The following CALD1 variants were observed in gnomAD, a reference collection of about 807,000 sequenced individuals.
CALD1 encodes the protein caldesmon.
CALD1 carries 33 observed loss-of-function variants against 99.9 expected under a neutral mutation model. The ratio of observed to expected loss-of-function variants is 0.33; its 90% CI spans 0.25 to 0.44. The LOEUF is 0.44. CALD1 is among the 20% of genes least tolerant of loss of function. The pLI, the probability that CALD1 is intolerant of heterozygous loss-of-function variation, is 1.00. For synonymous variants in CALD1, 310 were observed against 325.0 expected (o/e 0.95, Z 0.50); for missense variants, 861 against 962.1 (o/e 0.89, Z 1.39).
chr7:134,797,907 A>G (rs746865379), intron 1 of CALD1, among the ~76,000 whole-genome samples: 1 of 152,164 alleles, frequency 6.6e-6, no homozygotes. Context: ...GTTTATTTGT[A>G]TTGTTCTTTA....
rs1563135148 is a variant in CALD1 at position 134,959,962 on chromosome 7, C to G, written c.2062-12C>G. The stretch of plus-strand genomic sequence containing the variant: ...CCCAGCACCAATCCTAAAAATAACT[C>G]ACAAATTTCAGGGAACAAAAAGCGC... On this transcript the variant is annotated splice_polypyrimidine_tract_variant and intron_variant, in intron 11 of 14. Coordinates refer to ENST00000361675, the MANE Select transcript of CALD1 (RefSeq NM_033138.4). 6.2e-7 allele frequency: 1 copy of G among 1,611,950 alleles called. No homozygotes were observed. The highest frequency in any genetic ancestry group is 1.1e-5 in the South Asian group (1 of 90,596).
At chr7:134,806,314 C>T (rs145004485) in intron 1 of CALD1, among the ~76,000 whole-genome samples, 251 of 151,204 alleles carry the variant, frequency 1.7e-3, no homozygotes, top group African/African-American at 5.8e-3. Context: ...TCCCCCCAGC[C>T]CACGGTTTAG....
At chr7:134,920,568 G>C (rs1804539998) in intron 3 of CALD1, 2 of 1,283,316 alleles carry the variant, frequency 1.6e-6, no homozygotes, top group East Asian at 1.1e-4. Flanking sequence ...GGACAGAATA[G>C]TGTTCTGGAT....
At chr7:134,735,562 C>CTA in the CALD1 span, among the ~76,000 whole-genome samples, 1 of 140,000 alleles carries the variant, frequency 7.1e-6, no homozygotes, top group Non-Finnish European at 1.5e-5. Context: ...TCCCCACTAC[C>CTA]CTCTGTGTGT....
At chr7:134,715,975 T>C in the CALD1 span, among the ~76,000 whole-genome samples, 1 of 152,212 alleles carries the variant, frequency 6.6e-6, no homozygotes, top group Admixed American at 6.5e-5. Flanking sequence ...ATTATTATTA[T>C]ACTTTAAGTT....
At chr7:134,767,167 T>G (rs1010529901) in intron 1 of CALD1, among the ~76,000 whole-genome samples, 2 of 150,132 alleles carry the variant, frequency 1.3e-5, no homozygotes, top group Non-Finnish European at 3.0e-5. Flanking sequence ...TTCTCCCTCG[T>G]GTACACACAC....
chr7:134,891,578 T>G, intron 3 of CALD1: 5 of 1,585,290 alleles, frequency 3.2e-6, no homozygotes, highest in Non-Finnish European at 4.3e-6. Context: ...CCTGGCCAGG[T>G]CTCCGTATCT....
chr7:134,840,791 G>A (rs1198779530), intron 1 of CALD1, among the ~76,000 whole-genome samples: 2 of 151,812 alleles, frequency 1.3e-5, no homozygotes, highest in Admixed American at 1.3e-4. Context: ...TTCCAAGTGG[G>A]GATAATAAAA....
rs760885081 is a variant in CALD1 at position 134,933,481 on chromosome 7, C to T, written c.712C>T (p.Pro238Ser). ...LKNGQISSEE[P>S]KQEEEREQGS... ...AAATGGGCAGATCAGTTCAGAAGAGCCTAAACAAGAGGAGGAGAGGGAACA... is the reference window on the plus strand; with the variant it reads ...AAATGGGCAGATCAGTTCAGAAGAGTCTAAACAAGAGGAGGAGAGGGAACA... The change falls in exon 5 of 15, where the codon CCT becomes TCT. Residue 238 changes from proline (P) to serine (S), a missense_variant. Around this residue, in one of 5 missense-constraint regions of CALD1, gnomAD observed 234 missense variants for 233.1 expected, o/e 1.00. Transcript: ENST00000361675. The T allele has an allele frequency of 6.2e-7, 1 of 1,613,690 alleles. No homozygotes were observed. Among genetic ancestry groups the T allele is most frequent in the East Asian group, 2.2e-5 (1 of 44,856 alleles).
At chr7:134,737,661 T>C in the CALD1 span, among the ~76,000 whole-genome samples, 719 of 152,324 alleles carry the variant, frequency 4.7e-3, 4 homozygotes, top group Middle Eastern at 0.024. Context: ...TGAATTCTAA[T>C]GTGAGTAGTA....
intron 1 of CALD1, among the ~76,000 whole-genome samples, chr7:134,829,756 T>C (rs1482103386): frequency 6.6e-6 from 1 of 152,170 alleles, no homozygotes; most frequent in Non-Finnish European, 1.5e-5. Flanking sequence ...AAAAGGGTAA[T>C]TGTTTGCAGA....
At chr7:134,846,272 C>T (rs1014667058) in intron 2 of CALD1, among the ~76,000 whole-genome samples, 1 of 151,654 alleles carries the variant, frequency 6.6e-6, no homozygotes, top group African/African-American at 2.4e-5. Flanking sequence ...GGGTGGAGGG[C>T]TGTGCCTCTT....
At chr7:134,928,710 G>A (rs1466996075) in intron 3 of CALD1, 44 bp from the exon 4 acceptor site, 9 of 1,591,492 alleles carry the variant, frequency 5.7e-6, no homozygotes, top group Admixed American at 1.7e-5. Context: ...GTGAAGACAC[G>A]TGGCAAGTGG....
intron 1 of CALD1, among the ~76,000 whole-genome samples, chr7:134,805,488 CT>C (rs1321068129): frequency 3.9e-5 from 6 of 152,096 alleles, no homozygotes; most frequent in Non-Finnish European, 5.9e-5. Flanking sequence ...CTCTATGCCC[CT>C]GGAAATATCA....
At chr7:134,934,203 A>G (rs1271386143) in intron 5 of CALD1, 126 bp downstream of exon 5, 3 of 1,413,424 alleles carry the variant, frequency 2.1e-6, no homozygotes, top group Non-Finnish European at 2.9e-6. Context: ...CAAGCTGTTC[A>G]TTTTTTCAGG....
At chr7:134,777,636 G>A (rs763154636), upstream of CALD1, among the ~76,000 whole-genome samples, 145 of 152,068 alleles carry the variant, frequency 9.5e-4, 1 homozygote, top group African/African-American at 2.7e-4. Flanking sequence ...AAGCAGCAGC[G>A]GTAATGGAAA....
intron 1 of CALD1, among the ~76,000 whole-genome samples, chr7:134,757,659 T>A (rs553435047): frequency 2.0e-5 from 3 of 152,086 alleles, no homozygotes; most frequent in South Asian, 4.2e-4. Context: ...GGTGAGTGGT[T>A]CACGAGATCA....
At chr7:134,946,220 C>G (rs940645420) in intron 7 of CALD1, among the ~76,000 whole-genome samples, 3 of 152,024 alleles carry the variant, frequency 2.0e-5, no homozygotes, top group Middle Eastern at 3.4e-3. Context: ...TGATATCATA[C>G]TGATATAATA....
chr7:134,748,279 G>C (rs575950640), intron 1 of CALD1, among the ~76,000 whole-genome samples: 7 of 152,324 alleles, frequency 4.6e-5, no homozygotes, highest in African/African-American at 1.7e-4. Flanking sequence ...GCTCAGGATG[G>C]ATAGTACCTG....
Sources: gnomAD v4.1 joint callset for allele counts (sites outside exome capture counted in the v4.1 genomes callset) on GRCh38, gnomAD v4.1.1 for gene constraint, gnomAD v4.1.1 regional missense constraint, MANE v1.5 for transcripts, NCBI Gene and HGNC (gene_info 2026-07-23, HGNC 2026-07-21) for gene names.